COL13A1: variants seen among roughly 807,000 people sequenced by gnomAD.
COL13A1 encodes collagen type XIII alpha 1 chain.
COL13A1 carries 89 observed loss-of-function variants against 130.9 expected under a neutral mutation model. That is an observed-to-expected ratio of 0.68 (90% confidence interval 0.57 to 0.81). The LOEUF is 0.81. Among genes scored for constraint, COL13A1 ranks in the 30% least tolerant of loss-of-function variants. The pLI is 0.00. For synonymous variants in COL13A1, 402 were observed against 341.6 expected (o/e 1.18, Z -1.95); for missense variants, 879 against 934.6 (o/e 0.94, Z 0.78).
At chr10:69,936,657 C>A (rs12571041) in intron 32 of COL13A1, 99 bp from the exon 33 acceptor site, 22 of 1,445,188 alleles carry the variant, frequency 1.5e-5, no homozygotes, top group Non-Finnish European at 2.1e-5. Flanking sequence ...CCATACTCTG[C>A]ACCCAAAACC....
At chr10:69,807,226 C>A (rs1841833487) in intron 1 of COL13A1, among the ~76,000 whole-genome samples, 1 of 152,152 alleles carries the variant, frequency 6.6e-6, no homozygotes, top group Non-Finnish European at 1.5e-5. Context: ...CTCTTTCAAT[C>A]CTCACAACTT....
intron 1 of COL13A1, among the ~76,000 whole-genome samples, chr10:69,811,816 C>G (rs1461247103): frequency 1.3e-5 from 2 of 152,144 alleles, no homozygotes; most frequent in African/African-American, 4.8e-5. Context: ...TCCAGCATGT[C>G]TTGAAAGCAC....
intron 27 of COL13A1, 41 bp downstream of exon 27, chr10:69,927,151 G>C (rs774154620): frequency 9.8e-6 from 15 of 1,535,416 alleles, no homozygotes; most frequent in African/African-American, 1.9e-5. Flanking sequence ...GCACTGGACG[G>C]GGGGGCTGGG....
At chr10:69,910,658 G>A (rs1050216681) in intron 17 of COL13A1, among the ~76,000 whole-genome samples, 4 of 152,224 alleles carry the variant, frequency 2.6e-5, no homozygotes, top group South Asian at 2.1e-4. Flanking sequence ...TAGACACTGC[G>A]AGTATTGTTG....
At chr10:69,903,860 G>A (rs1264463977) in intron 15 of COL13A1, among the ~76,000 whole-genome samples, 2 of 152,118 alleles carry the variant, frequency 1.3e-5, no homozygotes, top group Admixed American at 6.5e-5. Flanking sequence ...CTGTGTGTAC[G>A]GCCACATTCT....
intron 21 of COL13A1, among the ~76,000 whole-genome samples, chr10:69,920,369 AG>A (rs1166215102): frequency 1.3e-5 from 2 of 152,234 alleles, no homozygotes; most frequent in Non-Finnish European, 2.9e-5. Flanking sequence ...CTGATACCCC[AG>A]CCCTGCTGGT....
intron 24 of COL13A1, among the ~76,000 whole-genome samples, chr10:69,924,091 G>C (rs868238740): frequency 6.6e-6 from 1 of 152,152 alleles, no homozygotes; most frequent in Non-Finnish European, 1.5e-5. Context: ...AGAGCTTCCC[G>C]AGCCATTGGT....
chr10:69,933,638 G>T (rs952354354), intron 31 of COL13A1, among the ~76,000 whole-genome samples: 4 of 152,140 alleles, frequency 2.6e-5, no homozygotes, highest in Non-Finnish European at 4.4e-5. Context: ...AGGCCTGATT[G>T]TACAATGTGT....
At chr10:69,890,852 A>C (rs944183791) in intron 10 of COL13A1, among the ~76,000 whole-genome samples, 1 of 152,220 alleles carries the variant, frequency 6.6e-6, no homozygotes, top group African/African-American at 2.4e-5. Context: ...ATCCCCTTTG[A>C]CAGGTGTGGA....
intron 7 of COL13A1, among the ~76,000 whole-genome samples, chr10:69,880,875 G>A (rs2060068904): frequency 6.6e-6 from 1 of 152,252 alleles, no homozygotes; most frequent in African/African-American, 2.4e-5. Flanking sequence ...CTCCGGATGG[G>A]GTGATCCGGC....
intron 35 of COL13A1, among the ~76,000 whole-genome samples, chr10:69,941,741 T>A (rs1306178090): frequency 6.6e-6 from 1 of 152,198 alleles, no homozygotes; most frequent in Admixed American, 6.5e-5. Context: ...CACCTGGCCC[T>A]TCTGCTTATG....
At chr10:69,941,404 G>A (rs2067619933) in intron 35 of COL13A1, among the ~76,000 whole-genome samples, 1 of 152,188 alleles carries the variant, frequency 6.6e-6, no homozygotes, top group Non-Finnish European at 1.5e-5. Flanking sequence ...TGCCCGTCAT[G>A]CTGTGTTGTC....
intron 2 of COL13A1, among the ~76,000 whole-genome samples, chr10:69,828,289 C>T (rs1331702703): frequency 6.6e-6 from 1 of 152,088 alleles, no homozygotes; most frequent in East Asian, 1.9e-4. Context: ...CCCATCTCTT[C>T]CTCCTGACTT....
At chr10:69,816,385 C>T (rs1373647811) in intron 1 of COL13A1, among the ~76,000 whole-genome samples, 1 of 151,362 alleles carries the variant, frequency 6.6e-6, no homozygotes, top group Non-Finnish European at 1.5e-5. Context: ...CTATCAGAAG[C>T]TCAGTTTTGC....
chr10:69,896,552 G>C (rs934608661), intron 13 of COL13A1, among the ~76,000 whole-genome samples: 5 of 152,180 alleles, frequency 3.3e-5, no homozygotes, highest in Non-Finnish European at 7.3e-5. Flanking sequence ...CGGGTGGTGC[G>C]ATTTTGGGAG....
rs371255089 is a variant in COL13A1 at position 69,935,314 on chromosome 10, A to G, written c.1729-36A>G. The G allele has an allele frequency of 1.4e-4, 221 of 1,558,732 alleles. 9 individuals are homozygous for G. Among genetic ancestry groups the G allele is most frequent in the East Asian group, 9.3e-4 (39 of 42,080 alleles). On this transcript the variant is annotated intron_variant, in intron 31 of 40. Transcript: ENST00000645393. ...CTAGGCCCTATCAGGAGGGAGGGCCACTTCAAATGTAACAGGGCTCCCCTT... is the reference window on the plus strand; with the variant it reads ...CTAGGCCCTATCAGGAGGGAGGGCCGCTTCAAATGTAACAGGGCTCCCCTT...
At chr10:69,850,003 G>A (rs985552124) in intron 2 of COL13A1, among the ~76,000 whole-genome samples, 3 of 152,118 alleles carry the variant, frequency 2.0e-5, no homozygotes, top group Admixed American at 6.5e-5. Flanking sequence ...ACATCAAAGC[G>A]GGATTTGCAG....
chr10:69,818,864 G>A (rs1190951950), intron 1 of COL13A1, among the ~76,000 whole-genome samples: 2 of 152,202 alleles, frequency 1.3e-5, no homozygotes, highest in South Asian at 2.1e-4. Flanking sequence ...ACTAATTCCA[G>A]TGCTAATCGA....
intron 7 of COL13A1, among the ~76,000 whole-genome samples, chr10:69,885,655 C>A (rs973920732): frequency 1.3e-5 from 2 of 152,176 alleles, no homozygotes; most frequent in African/African-American, 4.8e-5. Context: ...TTGTCCCTAG[C>A]GGGATGGAAG....
Sources: allele counts gnomAD v4.1 joint callset (sites outside exome capture counted in the v4.1 genomes callset), GRCh38; gene constraint gnomAD v4.1.1; transcripts MANE v1.5; gene names NCBI Gene and HGNC (gene_info 2026-07-23, HGNC 2026-07-21).